TOR1AIP1: variants seen among roughly 807,000 people sequenced by gnomAD.
The protein encoded by TOR1AIP1 is torsin-1A-interacting protein 1.
Under a neutral mutation model 63.3 loss-of-function variants are expected in TOR1AIP1, and 54 were observed. That is an observed-to-expected ratio of 0.85 (90% CI 0.69 to 1.07). The LOEUF is 1.07. Ranked by LOEUF, TOR1AIP1 falls within the 50% of genes least tolerant of loss-of-function variation. TOR1AIP1 has a pLI of 0.00. For synonymous variants in TOR1AIP1, 294 were observed against 273.5 expected, an observed-to-expected ratio of 1.07 and a Z score of -0.74; for missense variants, 736 against 715.0, an observed-to-expected ratio of 1.03 and a Z score of -0.33.
chr1:179,900,979 T>C (rs1021741681), intron 4 of TOR1AIP1, among the ~76,000 whole-genome samples: 2 of 152,218 alleles, frequency 1.3e-5, no homozygotes, highest in Non-Finnish European at 2.9e-5. Context: ...TATGTAGTTT[T>C]CCTCCCCATA....
chr1:179,897,092 A>T (rs764392496), intron 3 of TOR1AIP1, among the ~76,000 whole-genome samples: 13 of 152,226 alleles, frequency 8.5e-5, no homozygotes, highest in Non-Finnish European at 1.6e-4. Context: ...ATAACTAGTT[A>T]TTCTTGTTTT....
intron 6 of TOR1AIP1, among the ~76,000 whole-genome samples, chr1:179,906,460 G>A (rs114310330): frequency 0.014 from 2,166 of 152,100 alleles, 31 homozygotes; most frequent in Non-Finnish European, 0.019. Context: ...CATTTTCTCA[G>A]GGCAGATTTG....
At chr1:179,895,140 T>C (rs1048588508) in intron 3 of TOR1AIP1, among the ~76,000 whole-genome samples, 1 of 152,220 alleles carries the variant, frequency 6.6e-6, no homozygotes, top group Admixed American at 6.5e-5. Flanking sequence ...CTGGAAAATA[T>C]AACACCTTCT....
At chr1:179,917,374 T>C (rs928387048) in intron 9 of TOR1AIP1, 78 bp from the exon 10 acceptor site, 61 of 1,189,204 alleles carry the variant, frequency 5.1e-5, no homozygotes, top group Non-Finnish European at 6.7e-5. Context: ...TAAAGACTGA[T>C]ATTGATTTTA....
At position 179,909,370 on chromosome 1, in the gene TOR1AIP1, GT is replaced by G. The variant is rs919522354; in HGVS notation, c.907+705del. Among the ~76,000 whole-genome samples, 14 of 144,350 alleles carry G rather than the reference GT, an allele frequency of 9.7e-5. 1 individual carries two copies. The highest frequency in any genetic ancestry group is 1.8e-4 in the Non-Finnish European group (12 of 66,538). 94.7% of individuals were successfully genotyped at this position (144,350 alleles called of 152,430 possible). On this transcript the variant is annotated intron_variant, in intron 8 of 9. Transcript: ENST00000606911. The stretch of plus-strand genomic sequence containing the variant: ...CACAAGTTATATTTTCATGTTTAGG[GT>G]TTTTTTTCTGTTTTTTGTTTTGTTT...
intron 4 of TOR1AIP1, 25 bp downstream of exon 4, chr1:179,900,192 A>C: frequency 6.8e-7 from 1 of 1,479,714 alleles, no homozygotes; most frequent in Non-Finnish European, 9.4e-7. Flanking sequence ...AATATCATAT[A>C]ATATATACTT....
At chr1:179,888,659 AT>A (rs1406835538) in intron 2 of TOR1AIP1, among the ~76,000 whole-genome samples, 1 of 152,186 alleles carries the variant, frequency 6.6e-6, no homozygotes, top group Non-Finnish European at 1.5e-5. Context: ...ACATAATAGA[AT>A]CCAAATTTTG....
chr1:179,916,921 T>G (rs1558048047), intron 9 of TOR1AIP1, among the ~76,000 whole-genome samples: 1 of 151,862 alleles, frequency 6.6e-6, no homozygotes, highest in Non-Finnish European at 1.5e-5. Flanking sequence ...TCTCCTGACC[T>G]CGTGATCCTC....
intron 9 of TOR1AIP1, among the ~76,000 whole-genome samples, chr1:179,914,648 G>C (rs1219235356): frequency 2.0e-5 from 3 of 152,152 alleles, no homozygotes; most frequent in African/African-American, 7.2e-5. Context: ...ACAAAAATTA[G>C]CTGGGCGTGG....
intron 3 of TOR1AIP1, among the ~76,000 whole-genome samples, chr1:179,893,053 C>T (rs141661412): frequency 0.021 from 3,224 of 151,900 alleles, 123 homozygotes; most frequent in African/African-American, 0.073. Context: ...CCAGCCCGGC[C>T]AACATAGTGA....
chr1:179,907,315 A>AG (rs1648671350), intron 6 of TOR1AIP1, among the ~76,000 whole-genome samples: 2 of 151,314 alleles, frequency 1.3e-5, no homozygotes, highest in African/African-American at 4.8e-5. Flanking sequence ...TGTAATCCCA[A>AG]GTACTTGGGA....
chr1:179,903,555 T>C (rs1450454352), intron 5 of TOR1AIP1, among the ~76,000 whole-genome samples: 2 of 152,018 alleles, frequency 1.3e-5, no homozygotes, highest in African/African-American at 4.8e-5. Context: ...TTGTTCAGGC[T>C]GGAGTACAGT....
rs150123932 is a variant in TOR1AIP1 at position 179,906,267 on chromosome 1, A to C, written c.797-1556A>C. ...GAGAATATCTGTCTTATTTACCATA[A>C]TATTTCTATGTTCAATGTTTTGCAC... is the stretch of plus-strand genomic sequence containing the variant. On this transcript the variant is annotated intron_variant, in intron 6 of 9. Transcript: ENST00000606911. 3.9e-3 allele frequency among the ~76,000 whole-genome samples: 600 copies of C among 152,330 alleles called. 4 individuals are homozygous for C. Among genetic ancestry groups the C allele is most frequent in the African/African-American group, 0.013 (558 of 41,570 alleles).
rs184023316 is a variant in TOR1AIP1 at position 179,918,557 on chromosome 1, C to T, written c.*318C>T. The T allele has an allele frequency of 6.6e-4, 140 of 211,656 alleles. 1 individual carries two copies. Among genetic ancestry groups the T allele is most frequent in the Middle Eastern group, 1.7e-3 (1 of 572 alleles). 13.1% of individuals were successfully genotyped at this position (211,656 alleles called of 1,614,324 possible). A position where few individuals can be genotyped will look rare whatever the true frequency, so the allele number is the denominator to read the frequency against. On this transcript the variant is annotated 3_prime_UTR_variant, in exon 10 of 10. Coordinates refer to ENST00000606911, the MANE Select transcript of TOR1AIP1 (RefSeq NM_015602.4). The stretch of plus-strand genomic sequence containing the variant: ...ATGACCAGTGAGAGGGATTTGTGTC[C>T]TTTCTTATGAACCTTCCTGATTTTT...
chr1:179,889,260 G>A, intron 2 of TOR1AIP1, 53 bp from the exon 3 acceptor site: 2 of 1,393,264 alleles, frequency 1.4e-6, no homozygotes, highest in South Asian at 2.5e-5. Context: ...AATAAAGCTA[G>A]TATGTTTCAC....
chr1:179,891,890 C>G (rs563248449), intron 3 of TOR1AIP1, among the ~76,000 whole-genome samples: 2 of 152,128 alleles, frequency 1.3e-5, no homozygotes, highest in African/African-American at 2.4e-5. Flanking sequence ...AAAGTGAATT[C>G]GATACGTTGT....
chr1:179,904,237 C>T (rs1279121254), intron 6 of TOR1AIP1, among the ~76,000 whole-genome samples: 5 of 152,112 alleles, frequency 3.3e-5, no homozygotes, highest in Non-Finnish European at 7.4e-5. Flanking sequence ...AAAAAACAAA[C>T]AAAAAACTAC....
Position 179,889,477 on chromosome 1 carries a change from A to G in TOR1AIP1, c.610+108A>G, listed in dbSNP as rs560484845. On this transcript the variant is annotated intron_variant, in intron 3 of 9. Transcript: ENST00000606911. ...ATTCAGAACTTAAAAGTTACTGTAA[A>G]TATACATTAAAAAATCTCCCTGTCC... is the stretch of plus-strand genomic sequence containing the variant. 22 of 892,204 alleles carry G rather than the reference A, an allele frequency of 2.5e-5. No individual in the cohort carries two copies. In the African/African-American group the frequency reaches 3.2e-4, roughly 13 times the overall value. 55.3% of individuals were successfully genotyped at this position (892,204 alleles called of 1,614,324 possible).
rs765495241 is a variant in TOR1AIP1, at chr1:179,882,644, C to T, written c.142C>T (p.Pro48Ser). Residue 48 changes from proline (P) to serine (S), a missense_variant, in exon 1 of 10, where the codon CCT becomes TCT. Physicochemically the swap from Pro to Ser is moderately conservative, Grantham distance 74. Coordinates refer to ENST00000606911, the MANE Select transcript of TOR1AIP1 (RefSeq NM_015602.4). ...GSSDAPAYRT[P>S]PSRQGRREVR... is the part of the protein sequence containing the mutation. ...CAGCGATGCGCCTGCGTACAGAACT[C>T]CTCCGTCGCGCCAGGGCCGGCGGGA... 3.8e-6 allele frequency: 6 copies of T among 1,573,322 alleles called. No homozygotes were observed. Among genetic ancestry groups the T allele is most frequent in the Middle Eastern group, 1.7e-4 (1 of 5,844 alleles).
Sources: allele counts gnomAD v4.1 joint callset (sites outside exome capture counted in the v4.1 genomes callset), GRCh38; gene constraint gnomAD v4.1.1; transcripts MANE v1.5; gene names NCBI Gene and HGNC (gene_info 2026-07-23, HGNC 2026-07-21).